The following STS variants were observed in gnomAD, a reference collection of about 807,000 sequenced individuals.
STS encodes steryl-sulfatase.
In STS, 7 loss-of-function variants were observed where a neutral mutation model predicts 26.8. That is an observed-to-expected ratio of 0.26 (90% CI 0.15 to 0.49). The LOEUF (loss-of-function observed/expected upper bound fraction) is 0.49. Among genes scored for constraint, STS ranks in the 20% least tolerant of loss-of-function variants. STS has a pLI of 0.98. For synonymous variants in STS, 199 were observed against 189.4 expected, an observed-to-expected ratio of 1.05 and a Z score of -0.42; for missense variants, 434 against 465.6, an observed-to-expected ratio of 0.93 and a Z score of 0.63.
At chrX:7,207,476 A>G (rs1167111531) in intron 2 of STS, among the ~76,000 whole-genome samples, 1 of 112,056 alleles carries the variant, frequency 8.9e-6, no homozygotes, top group Non-Finnish European at 1.9e-5. Flanking sequence ...TTTGTTATGA[A>G]CACTTTTAGG....
At chrX:7,313,894 G>A (rs1444361213) in intron 8 of STS, among the ~76,000 whole-genome samples, 1 of 112,014 alleles carries the variant, frequency 8.9e-6, no homozygotes, top group East Asian at 2.8e-4. Flanking sequence ...TTAAAGAATG[G>A]TAAAGGCAGT....
rs1928888314 is a variant in STS at position 7,353,557 on chromosome X, T to C, written c.*3296T>C. On this transcript the variant is annotated 3_prime_UTR_variant, in exon 11 of 11. Transcript: ENST00000674429. ...TACCCTGGTGAAGCAGCTGCTTTGC[T>C]CTACAAATACCTGGGGCAGAAATTT... The C allele has an allele frequency of 1.8e-5, 2 of 111,000 alleles. No individual in the cohort carries two copies. Among genetic ancestry groups the C allele is most frequent in the Admixed American group, 1.9e-4 (2 of 10,356 alleles). 9.1% of individuals were successfully genotyped at this position (111,000 alleles called of 1,213,427 possible).
At position 7,253,281 on chromosome X, in the gene STS, A is replaced by G. The variant is rs1751307855; in HGVS notation, c.82A>G (p.Met28Val). Reference protein sequence around the residue: ...AASRPNIILVMADDLGIGDPG... With the variant: ...AASRPNIILVVADDLGIGDPG... ...ATCAAGGCCGAACATCATCCTGGTG[A>G]TGGCTGACGACCTCGGCATTGGAGA... The change falls in exon 3 of 11, where the codon ATG becomes GTG. Residue 28 changes from methionine to valine, a missense_variant. By Grantham distance (21) the Met-to-Val change is conservative. Around this residue, in one of 2 missense-constraint regions of STS, gnomAD observed 229 missense variants for 288.3 expected, o/e 0.79. Transcript: ENST00000674429. 3 of 1,211,524 alleles carry G rather than the reference A, an allele frequency of 2.5e-6. 1 individual carries two copies. The highest frequency in any genetic ancestry group is 3.4e-6 in the Non-Finnish European group (3 of 895,381).
intron 8 of STS, among the ~76,000 whole-genome samples, chrX:7,306,910 G>A (rs1926243381): frequency 8.9e-6 from 1 of 112,034 alleles, no homozygotes; most frequent in Non-Finnish European, 1.9e-5. Context: ...CTGAGGCAAA[G>A]AGAAATAGTC....
chrX:7,250,118 A>G (rs768421482), intron 2 of STS, among the ~76,000 whole-genome samples: 4 of 110,063 alleles, frequency 3.6e-5, no homozygotes, highest in African/African-American at 1.3e-4. Context: ...TTGTAGAGAT[A>G]GGAACTTACA....
At chrX:7,170,530 T>A (rs1384356059) in intron 1 of STS, among the ~76,000 whole-genome samples, 1 of 111,190 alleles carries the variant, frequency 9.0e-6, no homozygotes, top group African/African-American at 3.3e-5. Flanking sequence ...CTTAAAGTCC[T>A]GGGCTCAAGC....
At chrX:7,236,383 G>A (rs1410754935) in intron 2 of STS, among the ~76,000 whole-genome samples, 8 of 111,975 alleles carry the variant, frequency 7.1e-5, no homozygotes, top group Non-Finnish European at 3.8e-5. Flanking sequence ...CTAAAGCCAC[G>A]AGATTAGAAG....
intron 7 of STS, among the ~76,000 whole-genome samples, chrX:7,280,138 C>G (rs1331235536): frequency 1.8e-5 from 2 of 111,947 alleles, no homozygotes; most frequent in Non-Finnish European, 3.8e-5. Flanking sequence ...GTCATGTTGA[C>G]TGGATGCTAA....
chrX:7,182,342 C>T (rs190191900), intron 1 of STS, among the ~76,000 whole-genome samples: 79 of 109,244 alleles, frequency 7.2e-4, no homozygotes, highest in African/African-American at 2.0e-3. Context: ...TCTTCTTGAG[C>T]GAATTCTGTT....
At chrX:7,279,323 GTGTGTGTGTGTGTGTA>G (rs1222931876) in intron 7 of STS, among the ~76,000 whole-genome samples, 5 of 41,703 alleles carry the variant, frequency 1.2e-4, no homozygotes, top group East Asian at 8.8e-4. Flanking sequence ...GTGTGTGTGT[GTGTGTGTGTGTGTGTA>G]TGTGTGTGTG....
Position 7,352,020 on chromosome X carries a change from A to G in STS, c.*1759A>G, listed in dbSNP as rs1928822905. 9.0e-6 allele frequency: 1 copy of G among 111,197 alleles called. No individual in the cohort carries two copies. The highest frequency in any genetic ancestry group is 1.9e-5 in the Non-Finnish European group (1 of 53,060). 9.2% of individuals were successfully genotyped at this position (111,197 alleles called of 1,213,427 possible). A position where few individuals can be genotyped will look rare whatever the true frequency, so the allele number is the denominator to read the frequency against. On this transcript the variant is annotated 3_prime_UTR_variant, in exon 11 of 11. Transcript: ENST00000674429. ...GTTGTTGAAAGCTGAAAAGCATACA[A>G]GATTCTTCCTTTTAACTTGGATTTC...
At chrX:7,288,327 A>C (rs1425624630) in intron 7 of STS, among the ~76,000 whole-genome samples, 1 of 109,973 alleles carries the variant, frequency 9.1e-6, no homozygotes, top group Non-Finnish European at 1.9e-5. Context: ...ATATTCATCC[A>C]AAATACTCAG....
intron 8 of STS, among the ~76,000 whole-genome samples, chrX:7,323,787 G>A (rs986111857): frequency 9.0e-6 from 1 of 111,696 alleles, no homozygotes; most frequent in African/African-American, 3.3e-5. Flanking sequence ...CTTGCTGAAA[G>A]CTCTAGGGGA....
intron 3 of STS, among the ~76,000 whole-genome samples, chrX:7,253,615 C>T (rs1028526853): frequency 8.9e-6 from 1 of 111,966 alleles, no homozygotes; most frequent in Non-Finnish European, 1.9e-5. Flanking sequence ...TGCTGCTTTC[C>T]ACACATTCAC....
chrX:7,332,108 A>G (rs1927778725), intron 9 of STS, among the ~76,000 whole-genome samples: 1 of 110,187 alleles, frequency 9.1e-6, no homozygotes, highest in East Asian at 2.8e-4. Flanking sequence ...ATCTTGGCCA[A>G]GGCCGGAGGA....
At chrX:7,239,213 A>T (rs1922474896) in intron 2 of STS, among the ~76,000 whole-genome samples, 1 of 111,856 alleles carries the variant, frequency 8.9e-6, no homozygotes, top group African/African-American at 3.3e-5. Context: ...GTCTGTTTAG[A>T]CACAATTTCA....
chrX:7,340,972 G>A (rs1464758901), intron 10 of STS, among the ~76,000 whole-genome samples: 2 of 112,032 alleles, frequency 1.8e-5, no homozygotes, highest in Non-Finnish European at 1.9e-5. Context: ...TAGCTTCACA[G>A]GAGGCTGCAA....
chrX:7,274,104 T>C (rs1362810571), intron 6 of STS, among the ~76,000 whole-genome samples: 1 of 96,409 alleles, frequency 1.0e-5, no homozygotes, highest in African/African-American at 3.6e-5. Context: ...GGTTACCATA[T>C]TGGGGTAGAA....
At chrX:7,349,316 C>CTTTTT (rs1178578773) in intron 10 of STS, among the ~76,000 whole-genome samples, 3 of 52,885 alleles carry the variant, frequency 5.7e-5, no homozygotes, top group African/African-American at 7.3e-5. Context: ...CATTTAATTC[C>CTTTTT]TTTTTTTTTT....
Sources: allele counts gnomAD v4.1 joint callset (sites outside exome capture counted in the v4.1 genomes callset), GRCh38; gene constraint gnomAD v4.1.1; regional missense constraint gnomAD v4.1.1; transcripts MANE v1.5; gene names NCBI Gene and HGNC (gene_info 2026-07-23, HGNC 2026-07-21).